MAST2: variants seen among roughly 807,000 people sequenced by gnomAD.
MAST2 encodes the protein microtubule associated serine/threonine kinase 2, also known as microtubule-associated serine/threonine-protein kinase 2.
Under a neutral mutation model 147.4 loss-of-function variants are expected in MAST2, and 70 were observed. The observed-to-expected ratio is 0.47, with a 90% CI of 0.39 to 0.58. The LOEUF (loss-of-function observed/expected upper bound fraction) is 0.58. MAST2 is among the 20% of genes least tolerant of loss of function. The pLI is 0.00. For missense variants in MAST2, 2,080 were observed against 2,302.3 expected (o/e 0.90, Z 1.98); for synonymous variants, 869 against 896.8 (o/e 0.97, Z 0.55).
chr1:45,901,198 C>A (rs1649705679), intron 4 of MAST2, among the ~76,000 whole-genome samples: 2 of 151,978 alleles, frequency 1.3e-5, no homozygotes, highest in African/African-American at 4.8e-5. Context: ...GATAGGGGTC[C>A]AGTTTCATTC....
chr1:45,805,962 G>A (rs1195751569), intron 1 of MAST2, among the ~76,000 whole-genome samples: 2 of 152,136 alleles, frequency 1.3e-5, no homozygotes, highest in Non-Finnish European at 2.9e-5. Context: ...TTTCTAATAT[G>A]GTTTGGCTTC....
chr1:46,032,060 AAAAT>A (rs1350846431), intron 24 of MAST2, 114 bp from the exon 25 acceptor site: 2 of 781,876 alleles, frequency 2.6e-6, no homozygotes, highest in Non-Finnish European at 4.4e-6. Context: ...GGCTGTGGGG[AAAAT>A]GGACCTAGGC....
chr1:46,024,440 A>G (rs979986111), intron 15 of MAST2: 17 of 200,724 alleles, frequency 8.5e-5, no homozygotes, highest in Admixed American at 2.6e-4. Context: ...AACATGGGGC[A>G]TAGTTCTGGA....
chr1:45,898,024 G>A (rs1201456735), intron 4 of MAST2, among the ~76,000 whole-genome samples: 2 of 151,846 alleles, frequency 1.3e-5, no homozygotes, highest in African/African-American at 2.4e-5. Flanking sequence ...TGGGAGAATC[G>A]CTTGAACCTG....
chr1:45,858,642 G>C (rs12136641), intron 3 of MAST2, among the ~76,000 whole-genome samples: 34,557 of 127,102 alleles, frequency 0.27, 5,352 homozygotes, highest in African/African-American at 0.38. Context: ...TCAATTTTGG[G>C]TTTTGTTGCC....
intron 2 of MAST2, among the ~76,000 whole-genome samples, chr1:45,828,673 A>C (rs1327623417): frequency 6.6e-6 from 1 of 152,248 alleles, no homozygotes; most frequent in African/African-American, 2.4e-5. Context: ...CTGTAATCCC[A>C]GCACTATGGG....
intron 4 of MAST2, among the ~76,000 whole-genome samples, chr1:45,929,194 A>G (rs1296658965): frequency 6.6e-6 from 1 of 152,194 alleles, no homozygotes; most frequent in Non-Finnish European, 1.5e-5. Context: ...TACTTACACA[A>G]AAGAATTTTC....
chr1:45,850,547 T>G (rs1229657338), intron 3 of MAST2, among the ~76,000 whole-genome samples: 1 of 120,858 alleles, frequency 8.3e-6, no homozygotes, highest in Non-Finnish European at 1.8e-5. Flanking sequence ...TTTCCTAGTT[T>G]GTTTGTTTGT....
chr1:45,903,126 C>CT (rs34621764), intron 4 of MAST2, among the ~76,000 whole-genome samples: 16,345 of 77,694 alleles, frequency 0.21, 3,057 homozygotes, highest in Non-Finnish European at 0.27. Context: ...AAATTTTTGT[C>CT]TTTTTTTTTT....
chr1:45,942,431 A>G (rs78747970), intron 4 of MAST2, among the ~76,000 whole-genome samples: 8 of 152,192 alleles, frequency 5.3e-5, no homozygotes, highest in Admixed American at 1.3e-4. Flanking sequence ...ACTTGGCAAC[A>G]TGTATTCATG....
In MAST2 at chr1:45,938,902, CG is replaced by C. The variant is rs758497958; in HGVS notation, c.501-20483del. Among the ~76,000 whole-genome samples the C allele has an allele frequency of 1.5e-3, 226 of 151,006 alleles. 1 individual carries two copies. The Middle Eastern group carries it at 0.034, about 23-fold the overall frequency. On this transcript the variant is annotated intron_variant, in intron 4 of 28. Coordinates refer to ENST00000361297, the MANE Select transcript of MAST2 (RefSeq NM_015112.3). ...TTTTTGTTCATTTAAAAAATCTGTT[CG>C]TTTTTTTTTTAAATATTGAGCCTTG...
intron 4 of MAST2, among the ~76,000 whole-genome samples, chr1:45,927,315 G>A (rs1219805496): frequency 6.6e-6 from 1 of 152,140 alleles, no homozygotes; most frequent in East Asian, 1.9e-4. Context: ...AGATCAACCG[G>A]TCTGACCACA....
At chr1:45,902,064 A>G (rs1649860252) in intron 4 of MAST2, among the ~76,000 whole-genome samples, 1 of 152,152 alleles carries the variant, frequency 6.6e-6, no homozygotes, top group Admixed American at 6.5e-5. Context: ...TCCATTTCTT[A>G]GAGGGAATGT....
intron 1 of MAST2, among the ~76,000 whole-genome samples, chr1:45,816,343 C>G (rs1173111298): frequency 6.6e-6 from 1 of 152,128 alleles, no homozygotes; most frequent in Non-Finnish European, 1.5e-5. Context: ...CTCTTCAATG[C>G]CCAGACACTG....
chr1:45,929,019 G>T (rs2148697507), intron 4 of MAST2, among the ~76,000 whole-genome samples: 1 of 152,136 alleles, frequency 6.6e-6, no homozygotes, highest in Admixed American at 6.5e-5. Flanking sequence ...TTGAGGGGGT[G>T]GGAAGAATAC....
At chr1:45,992,711 A>G (rs983841550) in intron 5 of MAST2, among the ~76,000 whole-genome samples, 1 of 151,990 alleles carries the variant, frequency 6.6e-6, no homozygotes, top group African/African-American at 2.4e-5. Context: ...TCTTTAATGG[A>G]GTCTTTCTTT....
chr1:45,870,439 G>A (rs1402802914), intron 3 of MAST2, among the ~76,000 whole-genome samples: 1 of 151,280 alleles, frequency 6.6e-6, no homozygotes, highest in Non-Finnish European at 1.5e-5. Flanking sequence ...TCATCTTGAG[G>A]TAGTTTTGGT....
At chr1:45,808,129 G>A (rs979691816) in intron 1 of MAST2, among the ~76,000 whole-genome samples, 2 of 152,086 alleles carry the variant, frequency 1.3e-5, no homozygotes, top group Non-Finnish European at 2.9e-5. Flanking sequence ...GAAGGTCAGT[G>A]GTTTACTGTA....
chr1:45,824,417 C>A lies in MAST2; in HGVS notation c.178-16C>A. 6.3e-7 allele frequency: 1 copy of A among 1,576,724 alleles called. No homozygotes were observed. Among genetic ancestry groups the A allele is most frequent in the Non-Finnish European group, 8.6e-7 (1 of 1,157,884 alleles). ...AGATATTAAAGACTCATGTTTTACT[C>A]TTTTTCTCTTTGAAGGATGTAGTAA... is the stretch of plus-strand genomic sequence containing the variant. On this transcript the variant is annotated splice_polypyrimidine_tract_variant and intron_variant, in intron 1 of 28. Coordinates refer to ENST00000361297, the MANE Select transcript of MAST2 (RefSeq NM_015112.3).
Sources: allele counts gnomAD v4.1 joint callset (sites outside exome capture counted in the v4.1 genomes callset), GRCh38; gene constraint gnomAD v4.1.1; transcripts MANE v1.5; gene names NCBI Gene and HGNC (gene_info 2026-07-23, HGNC 2026-07-21).